The following GNB1 variants were observed in gnomAD, a reference collection of about 807,000 sequenced individuals.
The protein encoded by GNB1 is guanine nucleotide-binding protein G(I)/G(S)/G(T) subunit beta-1.
Under a neutral mutation model 42.9 loss-of-function variants are expected in GNB1, and 2 were observed. That is an observed-to-expected ratio of 0.05 (90% CI 0.02 to 0.15). GNB1 has a LOEUF of 0.15. GNB1 is among the 10% of genes least tolerant of loss of function. GNB1 has a pLI of 1.00. For missense variants in GNB1, 193 were observed against 462.2 expected (o/e 0.42, Z 5.34); for synonymous variants, 183 against 174.7 (o/e 1.05, Z -0.38).
chr1:1,786,657 A>C lies in GNB1; in HGVS notation c.*406T>G, dbSNP rs1646411090. 1 of 152,298 alleles carries C rather than the reference A, an allele frequency of 6.6e-6. No individual in the cohort carries two copies. The highest frequency in any genetic ancestry group is 1.5e-5 in the Non-Finnish European group (1 of 68,074). The allele number at this position is 152,298 out of a possible 1,614,324, so 9.4% of individuals were successfully genotyped here. A position where few individuals can be genotyped will look rare whatever the true frequency, so the allele number is the denominator to read the frequency against. ...TGACCAGATGAACAAAGCCCTCAGC[A>C]TGTTTTGCATGAATGCCACAAAACA... On this transcript the variant is annotated 3_prime_UTR_variant, in exon 12 of 12. Transcript: ENST00000378609.
At chr1:1,880,932 T>G (rs1431191022) in intron 1 of GNB1, among the ~76,000 whole-genome samples, 1 of 151,394 alleles carries the variant, frequency 6.6e-6, no homozygotes, top group Non-Finnish European at 1.5e-5. Flanking sequence ...AAGACAAGAG[T>G]GGGGTAAAAC....
chr1:1,785,498 C>T lies in GNB1; in HGVS notation c.*1565G>A, dbSNP rs569764055. The T allele has an allele frequency of 2.6e-5, 4 of 153,250 alleles. No homozygotes were observed. The highest frequency in any genetic ancestry group is 7.3e-5 in the African/African-American group (3 of 41,258). The allele number at this position is 153,250 out of a possible 1,614,324, so 9.5% of individuals were successfully genotyped here. A position where few individuals can be genotyped will look rare whatever the true frequency, so the allele number is the denominator to read the frequency against. On this transcript the variant is annotated 3_prime_UTR_variant, in exon 12 of 12. Transcript: ENST00000378609. Reference sequence around the variant, plus strand: ...TTCTCTTTGCCAGATCCAGGCCTACCGCAAGGTCACAGCACAGTTTTGTAT... The same window carrying T: ...TTCTCTTTGCCAGATCCAGGCCTACTGCAAGGTCACAGCACAGTTTTGTAT...
At chr1:1,809,414 C>T (rs1570649031) in intron 5 of GNB1, among the ~76,000 whole-genome samples, 1 of 152,132 alleles carries the variant, frequency 6.6e-6, no homozygotes, top group Non-Finnish European at 1.5e-5. Context: ...CTGCCTGCCT[C>T]GGCTGGGATT....
chr1:1,811,743 C>A (rs1171480789), intron 5 of GNB1, among the ~76,000 whole-genome samples: 1 of 151,190 alleles, frequency 6.6e-6, no homozygotes, highest in African/African-American at 2.4e-5. Flanking sequence ...TTCCGAGTGT[C>A]CATAAATCAA....
chr1:1,837,718 G>A (rs1273003671), intron 2 of GNB1, among the ~76,000 whole-genome samples: 4 of 149,982 alleles, frequency 2.7e-5, no homozygotes, highest in Admixed American at 6.7e-5. Flanking sequence ...GCCACCACAC[G>A]TGGCTAAATC....
intron 1 of GNB1, among the ~76,000 whole-genome samples, chr1:1,884,558 G>GT (rs1417119601): frequency 6.6e-6 from 1 of 152,082 alleles, no homozygotes; most frequent in African/African-American, 2.4e-5. Context: ...CAGAAGTTGA[G>GT]TGTCTGTAAT....
intron 1 of GNB1, among the ~76,000 whole-genome samples, chr1:1,888,631 A>G (rs978164544): frequency 6.6e-6 from 1 of 152,148 alleles, no homozygotes; most frequent in Non-Finnish European, 1.5e-5. Context: ...TGAGGTCTGG[A>G]GTTGGAGACC....
intron 7 of GNB1, 157 bp from the exon 8 acceptor site, chr1:1,793,468 A>G: frequency 1.8e-6 from 1 of 558,256 alleles, no homozygotes; most frequent in Non-Finnish European, 3.4e-6. Context: ...CACACAGCAG[A>G]AGGTCCACAC....
intron 2 of GNB1, among the ~76,000 whole-genome samples, chr1:1,837,074 T>C (rs1647161475): frequency 6.6e-6 from 1 of 152,132 alleles, no homozygotes; most frequent in Non-Finnish European, 1.5e-5. Context: ...CTATGGTTTG[T>C]CTTTCGTTCT....
intron 8 of GNB1, among the ~76,000 whole-genome samples, chr1:1,792,696 C>CAAAAA (rs374752641): frequency 9.7e-6 from 1 of 102,810 alleles, no homozygotes; most frequent in Non-Finnish European, 2.0e-5. Flanking sequence ...GACTCTATCT[C>CAAAAA]AAAAAAAAAA....
chr1:1,823,184 G>A (rs1646955165), intron 3 of GNB1, among the ~76,000 whole-genome samples: 1 of 147,634 alleles, frequency 6.8e-6, no homozygotes, highest in Non-Finnish European at 1.5e-5. Flanking sequence ...GGAGCTTGCA[G>A]TGAGCTGAGA....
At chr1:1,810,044 G>C (rs939726366) in intron 5 of GNB1, among the ~76,000 whole-genome samples, 3 of 151,830 alleles carry the variant, frequency 2.0e-5, no homozygotes, top group African/African-American at 7.3e-5. Flanking sequence ...ACCAACATGG[G>C]CAACAAAGGG....
At chr1:1,823,351 T>G (rs1478407388) in intron 3 of GNB1, among the ~76,000 whole-genome samples, 4 of 151,944 alleles carry the variant, frequency 2.6e-5, no homozygotes, top group Non-Finnish European at 5.9e-5. Context: ...AAAACCCAGT[T>G]AGATTATTAT....
rs549322266 is a variant in GNB1 at position 1,873,464 on chromosome 1, C to T, written c.-96+17356G>A. On this transcript the variant is annotated intron_variant, in intron 1 of 11. Coordinates refer to ENST00000378609, the MANE Select transcript of GNB1 (RefSeq NM_002074.5). ...CTGTTAATTGCCCTTGCTAGCGTGG[C>T]CAGCACAGTGAACAGAGATGAGCCC... Among the ~76,000 whole-genome samples the T allele has an allele frequency of 2.0e-5, 3 of 152,314 alleles. No homozygotes were observed. The East Asian group carries it at 5.8e-4, about 29-fold the overall frequency.
chr1:1,810,969 C>T (rs1557894838), intron 5 of GNB1, among the ~76,000 whole-genome samples: 1 of 151,130 alleles, frequency 6.6e-6, no homozygotes, highest in African/African-American at 2.4e-5. Context: ...TGCCTGGCCT[C>T]TCATGTAGCT....
intron 3 of GNB1, chr1:1,818,238 C>T (rs918768167): frequency 3.9e-5 from 6 of 153,882 alleles, no homozygotes; most frequent in Non-Finnish European, 5.6e-5. Flanking sequence ...GGCTGGCACA[C>T]ACGACTTGCT....
chr1:1,846,750 G>T (rs1216017572), intron 1 of GNB1, among the ~76,000 whole-genome samples: 2 of 152,132 alleles, frequency 1.3e-5, no homozygotes, highest in African/African-American at 2.4e-5. Context: ...TATGGAGAGA[G>T]GGTCTCACTA....
chr1:1,794,918 G>C (rs1646526689), intron 7 of GNB1, among the ~76,000 whole-genome samples: 1 of 152,140 alleles, frequency 6.6e-6, no homozygotes, highest in South Asian at 2.1e-4. Context: ...TTGATCTCTT[G>C]ACCTTGTGAT....
intron 7 of GNB1, among the ~76,000 whole-genome samples, chr1:1,796,484 A>AACTGAT (rs1646547907): frequency 6.6e-6 from 1 of 152,188 alleles, no homozygotes; most frequent in East Asian, 1.9e-4. Flanking sequence ...GTAACTGGGG[A>AACTGAT]ACTGATGGGA....
Sources: gnomAD v4.1 joint callset for allele counts (sites outside exome capture counted in the v4.1 genomes callset) on GRCh38, gnomAD v4.1.1 for gene constraint, MANE v1.5 for transcripts, NCBI Gene and HGNC (gene_info 2026-07-23, HGNC 2026-07-21) for gene names.